LANCL3: variants seen among roughly 807,000 people sequenced by gnomAD.
LANCL3 encodes the protein lanC-like protein 3.
In LANCL3, 19 loss-of-function variants were observed where a neutral mutation model predicts 26.5. The observed-to-expected ratio is 0.72, with a 90% CI of 0.50 to 1.05. The LOEUF (loss-of-function observed/expected upper bound fraction) is 1.05. Ranked by LOEUF, LANCL3 falls within the 50% of genes least tolerant of loss-of-function variation. The pLI is 0.00. For missense variants in LANCL3, 318 were observed against 362.7 expected, an observed-to-expected ratio of 0.88 and a Z score of 1.00; for synonymous variants, 160 against 166.6, an observed-to-expected ratio of 0.96 and a Z score of 0.30.
intron 1 of LANCL3, among the ~76,000 whole-genome samples, chrX:37,626,979 A>G (rs1249023956): frequency 1.8e-5 from 2 of 111,744 alleles, no homozygotes; most frequent in East Asian, 2.8e-4. Context: ...TGTTGGACCT[A>G]TTTAGAGGTG....
At chrX:37,646,919 A>G (rs782412787) in intron 1 of LANCL3, among the ~76,000 whole-genome samples, 2 of 111,833 alleles carry the variant, frequency 1.8e-5, no homozygotes, top group South Asian at 7.6e-4. Flanking sequence ...TTTCTTTTCT[A>G]TGTCAACTCA....
intron 1 of LANCL3, among the ~76,000 whole-genome samples, chrX:37,585,480 C>A (rs1240633561): frequency 1.8e-5 from 2 of 111,882 alleles, no homozygotes; most frequent in Non-Finnish European, 3.8e-5. Context: ...CTGGGTGCTC[C>A]TGTATTGGGT....
chrX:37,678,273 G>T lies in LANCL3; in HGVS notation c.*2460G>T, dbSNP rs193146345. The stretch of plus-strand genomic sequence containing the variant: ...ATTATTTTTCCAAGAAGGGGAAAAC[G>T]ATTCTTACATTTTGCTGTAGGAAAG... On this transcript the variant is annotated 3_prime_UTR_variant, in exon 5 of 5. Transcript: ENST00000378619. 1 of 110,624 alleles carries T rather than the reference G, an allele frequency of 9.0e-6. No homozygotes were observed. The highest frequency in any genetic ancestry group is 1.9e-5 in the Non-Finnish European group (1 of 52,699). The allele number at this position is 110,624 out of a possible 1,213,427, so 9.1% of individuals were successfully genotyped here.
At chrX:37,579,596 A>C (rs782526183) in intron 1 of LANCL3, among the ~76,000 whole-genome samples, 56 of 111,840 alleles carry the variant, frequency 5.0e-4, no homozygotes, top group African/African-American at 1.8e-3. Flanking sequence ...TTTTCCTGGT[A>C]GTATTTTTGG....
intron 1 of LANCL3, among the ~76,000 whole-genome samples, chrX:37,650,821 G>A (rs1176622155): frequency 1.9e-5 from 2 of 106,516 alleles, no homozygotes; most frequent in African/African-American, 6.9e-5. Flanking sequence ...CATGTGCCAT[G>A]TTGGTGTGCT....
intron 1 of LANCL3, among the ~76,000 whole-genome samples, chrX:37,629,451 A>C (rs1420443397): frequency 5.5e-5 from 6 of 109,798 alleles, no homozygotes; most frequent in African/African-American, 2.0e-4. Context: ...TCTCTTGTTT[A>C]ATTAGATCCC....
At chrX:37,599,033 T>A (rs1924512485) in intron 1 of LANCL3, among the ~76,000 whole-genome samples, 1 of 112,405 alleles carries the variant, frequency 8.9e-6, no homozygotes, top group Non-Finnish European at 1.9e-5. Flanking sequence ...AGTTTTTTTA[T>A]AATAGGAAAA....
chrX:37,582,481 G>C (rs1414788176), intron 1 of LANCL3, among the ~76,000 whole-genome samples: 21 of 111,917 alleles, frequency 1.9e-4, no homozygotes, highest in Non-Finnish European at 3.4e-4. Flanking sequence ...CATTCTAACT[G>C]GTGTGAGGGG....
chrX:37,588,526 GT>G lies in LANCL3; in HGVS notation c.573+16087del, dbSNP rs1399905751. ...ACTCTTCCTAATTATTTTCTTTATG[GT>G]TTTAGTTACTAGGGAAACCTACCAA... On this transcript the variant is annotated intron_variant, in intron 1 of 4. Transcript: ENST00000378619. 1.3e-3 allele frequency among the ~76,000 whole-genome samples: 140 copies of G among 111,724 alleles called. 2 individuals carry two copies. Among genetic ancestry groups the G allele is most frequent in the Non-Finnish European group, 2.2e-3 (119 of 53,097 alleles).
intron 1 of LANCL3, among the ~76,000 whole-genome samples, chrX:37,605,008 G>T (rs1346481605): frequency 8.9e-6 from 1 of 112,242 alleles, no homozygotes; most frequent in Non-Finnish European, 1.9e-5. Context: ...ACATTTCTGT[G>T]AAGTGTGAGA....
chrX:37,625,621 T>G, intron 1 of LANCL3, among the ~76,000 whole-genome samples: 1 of 111,579 alleles, frequency 9.0e-6, no homozygotes, highest in Non-Finnish European at 1.9e-5. Flanking sequence ...TGTCAGATAC[T>G]TCTCCATCCT....
intron 1 of LANCL3, among the ~76,000 whole-genome samples, chrX:37,579,072 A>T (rs1314755499): frequency 9.3e-6 from 1 of 107,766 alleles, no homozygotes; most frequent in Non-Finnish European, 1.9e-5. Context: ...CCTGTATTTT[A>T]TCCACTTATA....
chrX:37,638,824 A>G lies in LANCL3; in HGVS notation c.574-16864A>G, dbSNP rs182234580. ...CACACACCCAAACCCCCAAACAGGTAGGTAACCACTTTTCTGACCTCTATC... is the reference window on the plus strand; with the variant it reads ...CACACACCCAAACCCCCAAACAGGTGGGTAACCACTTTTCTGACCTCTATC... On this transcript the variant is annotated intron_variant, in intron 1 of 4. Transcript: ENST00000378619. 1.3e-3 allele frequency among the ~76,000 whole-genome samples: 143 copies of G among 110,862 alleles called. 2 individuals are homozygous for G. The highest frequency in any genetic ancestry group is 4.4e-3 in the African/African-American group (134 of 30,499).
chrX:37,642,926 A>T (rs975240936), intron 1 of LANCL3, among the ~76,000 whole-genome samples: 11 of 112,525 alleles, frequency 9.8e-5, no homozygotes, highest in African/African-American at 3.5e-4. Flanking sequence ...ATAAGCAACT[A>T]TTCATCCCTA....
chrX:37,647,827 T>C (rs1556427547), intron 1 of LANCL3, among the ~76,000 whole-genome samples: 1 of 112,982 alleles, frequency 8.9e-6, no homozygotes. Flanking sequence ...GCATACTCCG[T>C]ATATTGTAAA....
intron 4 of LANCL3, among the ~76,000 whole-genome samples, chrX:37,671,023 A>G (rs1057254856): frequency 2.7e-5 from 3 of 111,384 alleles, no homozygotes; most frequent in African/African-American, 9.8e-5. Flanking sequence ...ACATCACTGA[A>G]GTTTATCAAT....
chrX:37,611,166 C>G (rs956256655), intron 1 of LANCL3, among the ~76,000 whole-genome samples: 22 of 112,178 alleles, frequency 2.0e-4, no homozygotes, highest in African/African-American at 7.1e-4. Context: ...CTGACACTTG[C>G]AGCTTGTCCT....
At chrX:37,593,440 A>G (rs1251909219) in intron 1 of LANCL3, among the ~76,000 whole-genome samples, 30 of 112,412 alleles carry the variant, frequency 2.7e-4, no homozygotes, top group African/African-American at 9.4e-4. Context: ...AGATTAATAT[A>G]TAATGCCTAA....
chrX:37,650,303 A>AG (rs1926104985), intron 1 of LANCL3, among the ~76,000 whole-genome samples: 1 of 95,629 alleles, frequency 1.0e-5, no homozygotes, highest in African/African-American at 3.9e-5. Context: ...ACTCCATCTC[A>AG]GGGAAAAAAA....
Sources: gnomAD v4.1 joint callset for allele counts (sites outside exome capture counted in the v4.1 genomes callset) on GRCh38, gnomAD v4.1.1 for gene constraint, MANE v1.5 for transcripts, NCBI Gene and HGNC (gene_info 2026-07-23, HGNC 2026-07-21) for gene names.